Variants in GABBR2 observed in about 807,000 individuals in gnomAD.
The protein encoded by GABBR2 is gamma-aminobutyric acid type B receptor subunit 2.
In GABBR2, 23 loss-of-function variants were observed where a neutral mutation model predicts 105.6. That is an observed-to-expected ratio of 0.22 (90% CI 0.16 to 0.31). The LOEUF (loss-of-function observed/expected upper bound fraction) is 0.31, where lower values mean the gene tolerates loss of function less well. Ranked by LOEUF, GABBR2 falls within the 10% of genes least tolerant of loss-of-function variation. The pLI is 1.00. For missense variants in GABBR2, 734 were observed against 1,245.5 expected, an observed-to-expected ratio of 0.59 and a Z score of 6.18; for synonymous variants, 478 against 499.7, an observed-to-expected ratio of 0.96 and a Z score of 0.58.
At chr9:98,559,868 C>T (rs1175188056) in intron 2 of GABBR2, among the ~76,000 whole-genome samples, 1 of 151,170 alleles carries the variant, frequency 6.6e-6, no homozygotes, top group African/African-American at 2.4e-5. Flanking sequence ...TGCCTTTCTA[C>T]AGTGATAATA....
intron 13 of GABBR2, among the ~76,000 whole-genome samples, chr9:98,344,422 C>T (rs2131412420): frequency 6.6e-6 from 1 of 152,314 alleles, no homozygotes; most frequent in South Asian, 2.1e-4. Context: ...AATGCAGAAA[C>T]AGCCAATCTT....
intron 13 of GABBR2, among the ~76,000 whole-genome samples, chr9:98,332,553 G>C (rs1831046541): frequency 6.6e-6 from 1 of 152,204 alleles, no homozygotes; most frequent in African/African-American, 2.4e-5. Flanking sequence ...GCAGAATCTG[G>C]TCCAAAACCT....
chr9:98,572,092 C>A (rs914756575), intron 2 of GABBR2, among the ~76,000 whole-genome samples: 1 of 152,192 alleles, frequency 6.6e-6, no homozygotes, highest in African/African-American at 2.4e-5. Context: ...GAGCCCTGCA[C>A]CCTGAGCAGG....
intron 8 of GABBR2, among the ~76,000 whole-genome samples, chr9:98,405,490 C>G (rs560336104): frequency 3.9e-5 from 6 of 152,116 alleles, no homozygotes; most frequent in African/African-American, 7.2e-5. Context: ...TAACTTAATC[C>G]CCACCACTCA....
At chr9:98,324,426 G>T (rs1830882027) in intron 13 of GABBR2, among the ~76,000 whole-genome samples, 1 of 151,890 alleles carries the variant, frequency 6.6e-6, no homozygotes, top group Non-Finnish European at 1.5e-5. Flanking sequence ...AAATGCTGGG[G>T]TCACCTGCTT....
chr9:98,595,661 A>T (rs1829224489), intron 1 of GABBR2, among the ~76,000 whole-genome samples: 1 of 102,114 alleles, frequency 9.8e-6, no homozygotes, highest in African/African-American at 4.2e-5. Context: ...ATACTTTACA[A>T]AAAAACAAAA....
At chr9:98,677,811 C>T (rs1830494688) in intron 1 of GABBR2, among the ~76,000 whole-genome samples, 1 of 151,892 alleles carries the variant, frequency 6.6e-6, no homozygotes, top group Non-Finnish European at 1.5e-5. Flanking sequence ...CTTCACAGGG[C>T]TCTCTCTCTC....
At chr9:98,640,235 A>G (rs550501654) in intron 1 of GABBR2, among the ~76,000 whole-genome samples, 17 of 151,868 alleles carry the variant, frequency 1.1e-4, no homozygotes, top group African/African-American at 4.1e-4. Flanking sequence ...GATCTGCTGT[A>G]CCTATAGCAC....
chr9:98,485,890 A>C (rs550070296), intron 4 of GABBR2, among the ~76,000 whole-genome samples: 2 of 152,082 alleles, frequency 1.3e-5, no homozygotes, highest in Admixed American at 1.3e-4. Context: ...CATGGGAGCC[A>C]CTCCATGCCC....
intron 13 of GABBR2, among the ~76,000 whole-genome samples, chr9:98,352,512 T>G (rs1252350343): frequency 6.6e-6 from 1 of 152,108 alleles, no homozygotes; most frequent in Non-Finnish European, 1.5e-5. Flanking sequence ...AATACTCAGA[T>G]TCCCAGATAG....
At chr9:98,684,564 G>A (rs780979000) in intron 1 of GABBR2, among the ~76,000 whole-genome samples, 35 of 152,220 alleles carry the variant, frequency 2.3e-4, no homozygotes, top group Non-Finnish European at 4.6e-4. Flanking sequence ...GCATGATATT[G>A]GCTATAATCC....
At chr9:98,584,985 G>A (rs965400872) in intron 1 of GABBR2, among the ~76,000 whole-genome samples, 4 of 152,106 alleles carry the variant, frequency 2.6e-5, no homozygotes, top group African/African-American at 7.2e-5. Context: ...GCTAAGCTCC[G>A]CAGAGTGACT....
intron 6 of GABBR2, among the ~76,000 whole-genome samples, chr9:98,465,022 T>TTGTTCTTG (rs1272524544): frequency 6.7e-6 from 1 of 150,356 alleles, no homozygotes; most frequent in Non-Finnish European, 1.5e-5. Context: ...CCAGAGACCT[T>TTGTTCTTG]TGTTCTTGTG....
chr9:98,433,945 C>T (rs562942226), intron 7 of GABBR2, among the ~76,000 whole-genome samples: 29 of 152,044 alleles, frequency 1.9e-4, no homozygotes, highest in African/African-American at 6.8e-4. Context: ...TTGAAGGATA[C>T]AATCCTTCAA....
chr9:98,621,727 G>A (rs1404572448), intron 1 of GABBR2, among the ~76,000 whole-genome samples: 1 of 152,118 alleles, frequency 6.6e-6, no homozygotes, highest in Non-Finnish European at 1.5e-5. Context: ...TTGAAAAATG[G>A]CTTTTTATTT....
Position 98,317,765 on chromosome 9 carries a change from G to C in GABBR2, c.1894-6560C>G, listed in dbSNP as rs940911191. On this transcript the variant is annotated intron_variant, in intron 13 of 18. Coordinates refer to ENST00000259455, the MANE Select transcript of GABBR2 (RefSeq NM_005458.8). ...GGTACAGGATGAATGAGACCAACAT[G>C]GCGCTTGCCTTCTTGGAGGGTACAT... Among the ~76,000 whole-genome samples, 4 of 152,314 alleles carry C rather than the reference G, an allele frequency of 2.6e-5. No homozygotes were observed. In the East Asian group the frequency reaches 7.7e-4, roughly 29 times the overall value.
intron 8 of GABBR2, among the ~76,000 whole-genome samples, chr9:98,398,241 T>C (rs577352708): frequency 2.6e-5 from 4 of 152,104 alleles, no homozygotes; most frequent in Non-Finnish European, 5.9e-5. Context: ...TGAGACACAA[T>C]GTATAACTCT....
intron 1 of GABBR2, among the ~76,000 whole-genome samples, chr9:98,636,491 T>C (rs1443361104): frequency 0.013 from 1,688 of 130,528 alleles, 45 homozygotes; most frequent in African/African-American, 0.047. Context: ...CTTTCTTTTT[T>C]TTTTTTTTTT....
intron 1 of GABBR2, among the ~76,000 whole-genome samples, chr9:98,624,171 C>T (rs890745370): frequency 1.3e-5 from 2 of 152,190 alleles, no homozygotes; most frequent in African/African-American, 2.4e-5. Flanking sequence ...TGTGGAGGGG[C>T]TGGACCAGGT....
Sources: allele counts gnomAD v4.1 joint callset (sites outside exome capture counted in the v4.1 genomes callset), GRCh38; gene constraint gnomAD v4.1.1; transcripts MANE v1.5; gene names NCBI Gene and HGNC (gene_info 2026-07-23, HGNC 2026-07-21).